BRF2: variants seen among roughly 807,000 people sequenced by gnomAD.
BRF2 encodes BRF2 general transcription factor IIIB subunit, also known as transcription factor IIIB 50 kDa subunit.
In BRF2, 17 loss-of-function variants were observed where a neutral mutation model predicts 26.6. The observed-to-expected ratio is 0.64, with a 90% CI of 0.44 to 0.96. The LOEUF (loss-of-function observed/expected upper bound fraction) is 0.96. Ranked by LOEUF, BRF2 falls within the 40% of genes least tolerant of loss-of-function variation. The probability of loss-of-function intolerance (pLI) is 0.00; values close to 1 mark genes in which losing one functional copy is unlikely to be tolerated. For synonymous variants in BRF2, 219 were observed against 226.6 expected, an observed-to-expected ratio of 0.97 and a Z score of 0.30; for missense variants, 515 against 537.0, an observed-to-expected ratio of 0.96 and a Z score of 0.40.
rs773299523 is a variant in BRF2, at chr8:37,849,793, G to C, written c.-10C>G. On this transcript the variant is annotated 5_prime_UTR_variant, in exon 1 of 4. Transcript: ENST00000220659. ...GGCCTCTGCCTGGCATCTCACAACC[G>C]GCCCCAAAGCCGCGGAAGCCTTCAG... 6.2e-7 allele frequency: 1 copy of C among 1,602,648 alleles called. No individual in the cohort carries two copies. Among genetic ancestry groups the C allele is most frequent in the South Asian group, 1.1e-5 (1 of 90,206 alleles).
intron 1 of BRF2, 106 bp from the exon 2 acceptor site, chr8:37,848,761 G>C: frequency 1.2e-6 from 1 of 856,360 alleles, no homozygotes; most frequent in East Asian, 2.6e-5. Context: ...TTGAGCATCT[G>C]CTGCTGCACA....
rs1275681609 is a variant in BRF2, at chr8:37,843,680, A to T, written c.*810T>A. 2 of 152,198 alleles carry T rather than the reference A, an allele frequency of 1.3e-5. No homozygotes were observed. Among genetic ancestry groups the T allele is most frequent in the Non-Finnish European group, 2.9e-5 (2 of 67,982 alleles). 9.4% of individuals were successfully genotyped at this position (152,198 alleles called of 1,614,324 possible). ...ACAGAGGACACAGGGGAGGGGGAAA[A>T]CCCACACACACTCCTTGGAATGGGT... is the stretch of plus-strand genomic sequence containing the variant. On this transcript the variant is annotated 3_prime_UTR_variant, in exon 4 of 4. Transcript: ENST00000220659.
intron 2 of BRF2, 30 bp downstream of exon 2, chr8:37,848,566 G>A (rs746865851): frequency 9.3e-6 from 15 of 1,608,436 alleles, no homozygotes; most frequent in Middle Eastern, 1.7e-4. Flanking sequence ...TTTCTTTAAA[G>A]CCACTGTGTT....
chr8:37,846,090 T>C (rs756593442), intron 3 of BRF2, among the ~76,000 whole-genome samples: 1 of 152,188 alleles, frequency 6.6e-6, no homozygotes, highest in Non-Finnish European at 1.5e-5. Flanking sequence ...GGCTCACACT[T>C]GTAATCCCAG....
rs759949830 is a variant in BRF2 at position 37,844,996 on chromosome 8, T to C, written c.754A>G (p.Lys252Glu). ...RLSCSLARFC[K>E]LANVDLPYPA... ...TAGGGCAGGTCCACATTTGCCAATT[T>C]ACAAAATCGGGCAAGGGAACATGAA... Residue 252 changes from lysine (K) to glutamate (E), a missense_variant, in exon 4 of 4, where the codon AAA becomes GAA. Coordinates refer to ENST00000220659, the MANE Select transcript of BRF2 (RefSeq NM_018310.4). 3.1e-6 allele frequency: 5 copies of C among 1,613,816 alleles called. No homozygotes were observed. Among genetic ancestry groups the C allele is most frequent in the Non-Finnish European group, 4.2e-6 (5 of 1,179,998 alleles).
Position 37,846,865 on chromosome 8 carries a change from G to A in BRF2, c.525C>T (p.Thr175=). The A allele has an allele frequency of 6.2e-7, 1 of 1,612,094 alleles. No individual in the cohort carries two copies. The highest frequency in any genetic ancestry group is 8.5e-7 in the Non-Finnish European group (1 of 1,178,330). Residue 175 remains threonine (T), a synonymous_variant, in exon 3 of 4, where the codon ACC becomes ACT. Coordinates refer to ENST00000220659, the MANE Select transcript of BRF2 (RefSeq NM_018310.4). ...PSLCLAELVK[T]YCSSFKLFQA... is the part of the protein sequence containing the mutation. ...CACCAGGGACGTACCTGCTGCAATA[G>A]GTCTTCACCAGTTCTGCCAAGCACA...
rs775618724 is a variant in BRF2 at position 37,846,907 on chromosome 8, T to C, written c.483A>G (p.Gly161=). ...CCAAGCACAGAGATGGCACATCCAG[T>C]CCCAGGAGCTTCACTATCTGCATGT... ...STYMQIVKLL[G]LDVPSLCLAE... The change falls in exon 3 of 4, where the codon GGA becomes GGG. Residue 161 remains glycine (G), a synonymous_variant. Transcript: ENST00000220659. The C allele has an allele frequency of 3.0e-5, 49 of 1,614,006 alleles. No individual in the cohort carries two copies. Among genetic ancestry groups the C allele is most frequent in the Non-Finnish European group, 4.1e-5 (48 of 1,180,010 alleles).
intron 1 of BRF2, among the ~76,000 whole-genome samples, 158 bp downstream of exon 1, chr8:37,849,472 C>T (rs1395551969): frequency 6.6e-6 from 1 of 152,228 alleles, no homozygotes; most frequent in African/African-American, 2.4e-5. Flanking sequence ...AGATGAATGG[C>T]AGCCCCCATC....
Sources: gnomAD v4.1 joint callset for allele counts (sites outside exome capture counted in the v4.1 genomes callset) on GRCh38, gnomAD v4.1.1 for gene constraint, MANE v1.5 for transcripts, NCBI Gene and HGNC (gene_info 2026-07-23, HGNC 2026-07-21) for gene names.